Variants in AGBL4 observed in about 807,000 individuals in gnomAD.
The protein encoded by AGBL4 is AGBL carboxypeptidase 4.
In AGBL4, 58 loss-of-function variants were observed where a neutral mutation model predicts 66.4. The observed-to-expected ratio is 0.87, with a 90% CI of 0.71 to 1.09. The LOEUF is 1.09. Among genes scored for constraint, AGBL4 ranks in the 50% least tolerant of loss-of-function variants. The pLI is 0.00. For missense variants in AGBL4, 579 were observed against 631.0 expected (o/e 0.92, Z 0.88); for synonymous variants, 234 against 222.9 (o/e 1.05, Z -0.44).
chr1:49,260,828 T>C (rs1244446305), intron 3 of AGBL4, among the ~76,000 whole-genome samples: 1 of 152,116 alleles, frequency 6.6e-6, no homozygotes, highest in Admixed American at 6.5e-5. Flanking sequence ...ATCATCCTGA[T>C]ACCAAAGCCG....
rs1001264079 is a variant in AGBL4 at position 49,454,454 on chromosome 1, G to C, written c.283-208590C>G. Among the ~76,000 whole-genome samples, 4 of 151,688 alleles carry C rather than the reference G, an allele frequency of 2.6e-5. No individual in the cohort carries two copies. In the South Asian group the frequency reaches 8.3e-4, roughly 31 times the overall value. On this transcript the variant is annotated intron_variant, in intron 3 of 13. Transcript: ENST00000371839. The stretch of plus-strand genomic sequence containing the variant: ...GGCAGAGGCTGGGCAATACAGAGGA[G>C]ATTCTATGTGGTGCTAAAGGCTTTA...
intron 3 of AGBL4, among the ~76,000 whole-genome samples, chr1:49,653,642 G>A (rs529084688): frequency 2.1e-4 from 32 of 151,556 alleles, no homozygotes; most frequent in African/African-American, 7.5e-4. Flanking sequence ...ACCTGACGGA[G>A]CTGAAAAACA....
chr1:49,617,575 G>A (rs1262205425), intron 3 of AGBL4, among the ~76,000 whole-genome samples: 1 of 152,138 alleles, frequency 6.6e-6, no homozygotes, highest in African/African-American at 2.4e-5. Flanking sequence ...AAAATGTTCT[G>A]TTATCCTACT....
chr1:49,756,110 T>C (rs1651867206), intron 2 of AGBL4, among the ~76,000 whole-genome samples: 1 of 152,176 alleles, frequency 6.6e-6, no homozygotes, highest in Non-Finnish European at 1.5e-5. Context: ...AAAAATTTTT[T>C]TGAAATATCA....
chr1:49,547,646 A>G (rs1015278572), intron 3 of AGBL4, among the ~76,000 whole-genome samples: 26 of 152,036 alleles, frequency 1.7e-4, no homozygotes, highest in African/African-American at 5.3e-4. Context: ...CATGAAATGT[A>G]TTTGTGTAGT....
chr1:48,801,586 T>C (rs1645809310), intron 6 of AGBL4, among the ~76,000 whole-genome samples: 1 of 152,156 alleles, frequency 6.6e-6, no homozygotes, highest in Non-Finnish European at 1.5e-5. Context: ...TAAATCCATT[T>C]CAGCTCTAGG....
intron 1 of AGBL4, among the ~76,000 whole-genome samples, chr1:49,908,141 A>G (rs1650458474): frequency 6.6e-6 from 1 of 152,120 alleles, no homozygotes; most frequent in Non-Finnish European, 1.5e-5. Context: ...TAGAAGATTC[A>G]AAGCTGGAGG....
At chr1:48,940,319 AG>A (rs1655859085) in intron 5 of AGBL4, among the ~76,000 whole-genome samples, 1 of 152,156 alleles carries the variant, frequency 6.6e-6, no homozygotes, top group South Asian at 2.1e-4. Flanking sequence ...CGGAGGTTGC[AG>A]TGAGCCGAGA....
intron 1 of AGBL4, among the ~76,000 whole-genome samples, chr1:49,979,254 G>A (rs892370483): frequency 6.6e-6 from 1 of 151,878 alleles, no homozygotes; most frequent in Admixed American, 6.6e-5. Context: ...GAGGTCAGGA[G>A]ATCGAGACCA....
intron 5 of AGBL4, among the ~76,000 whole-genome samples, chr1:48,981,421 T>G (rs138249317): frequency 1.1e-3 from 168 of 152,226 alleles, no homozygotes; most frequent in African/African-American, 3.9e-3. Context: ...CTCCAATTTA[T>G]CCTCATTATG....
intron 4 of AGBL4, among the ~76,000 whole-genome samples, chr1:49,164,839 C>A (rs1166740331): frequency 9.8e-5 from 15 of 152,290 alleles, no homozygotes; most frequent in Non-Finnish European, 1.5e-5. Context: ...CTGTGCAGAG[C>A]TGACCATTCA....
At chr1:49,764,313 C>T (rs1652573640) in intron 2 of AGBL4, among the ~76,000 whole-genome samples, 1 of 152,172 alleles carries the variant, frequency 6.6e-6, no homozygotes, top group Admixed American at 6.5e-5. Flanking sequence ...GCCCCTAGCC[C>T]TCCCGAATGA....
chr1:48,534,343 T>C (rs1165449359), intron 13 of AGBL4, 50 bp from the exon 14 acceptor site: 1 of 1,508,892 alleles, frequency 6.6e-7, no homozygotes, highest in Admixed American at 2.2e-5. Flanking sequence ...ATATACACAC[T>C]GTGATGAAAT....
chr1:48,689,243 C>T (rs899205003), intron 6 of AGBL4, among the ~76,000 whole-genome samples: 1 of 132,322 alleles, frequency 7.6e-6, no homozygotes, highest in African/African-American at 3.5e-5. Flanking sequence ...AGAAAAGAAA[C>T]AAGATCCACT....
At chr1:48,973,538 G>A (rs1038963065) in intron 5 of AGBL4, among the ~76,000 whole-genome samples, 6 of 152,118 alleles carry the variant, frequency 3.9e-5, no homozygotes, top group Non-Finnish European at 5.9e-5. Flanking sequence ...TCAAGAAATA[G>A]AACAGGGCCT....
chr1:49,953,915 C>T (rs981180230), intron 1 of AGBL4, among the ~76,000 whole-genome samples: 3 of 151,776 alleles, frequency 2.0e-5, no homozygotes, highest in Admixed American at 6.6e-5. Flanking sequence ...TACTTAGATA[C>T]GGGGTCTTGC....
chr1:49,880,090 T>C (rs2148138147), intron 1 of AGBL4, among the ~76,000 whole-genome samples: 1 of 152,086 alleles, frequency 6.6e-6, no homozygotes, highest in South Asian at 2.1e-4. Flanking sequence ...CTTCAACTTC[T>C]TTGCCTTTGG....
chr1:48,886,678 G>A (rs948621597), intron 5 of AGBL4, among the ~76,000 whole-genome samples: 1 of 151,848 alleles, frequency 6.6e-6, no homozygotes, highest in Non-Finnish European at 1.5e-5. Flanking sequence ...CCAGCCTCCC[G>A]AGTAGCTGGG....
chr1:49,483,330 A>T (rs993763141), intron 3 of AGBL4, among the ~76,000 whole-genome samples: 23 of 152,062 alleles, frequency 1.5e-4, no homozygotes, highest in Non-Finnish European at 3.4e-4. Context: ...ACTGAACAAG[A>T]CACCAAAAAA....
Sources: gnomAD v4.1 joint callset for allele counts (sites outside exome capture counted in the v4.1 genomes callset) on GRCh38, gnomAD v4.1.1 for gene constraint, MANE v1.5 for transcripts, NCBI Gene and HGNC (gene_info 2026-07-23, HGNC 2026-07-21) for gene names.